Variants in TMEM43 observed in about 807,000 individuals in gnomAD.
TMEM43 encodes the protein transmembrane protein 43.
A neutral mutation model predicts 49.6 loss-of-function variants in TMEM43; 45 were observed. The ratio of observed to expected loss-of-function variants is 0.91; its 90% CI spans 0.71 to 1.16. The LOEUF is 1.16. Among genes scored for constraint, TMEM43 ranks in the 50% most tolerant of loss-of-function variants. The pLI is 0.00. For missense variants in TMEM43, 532 were observed against 516.6 expected (o/e 1.03, Z -0.29); for synonymous variants, 199 against 207.8 (o/e 0.96, Z 0.36).
chr3:14,139,219 A>AC lies in TMEM43; in HGVS notation c.924dup (p.Trp309LeufsTer115). 1 of 1,614,100 alleles carries AC rather than the reference A, an allele frequency of 6.2e-7. No homozygotes were observed. On this transcript the variant is annotated frameshift_variant, in exon 11 of 12. Coordinates refer to ENST00000306077, the MANE Select transcript of TMEM43 (RefSeq NM_024334.3). LOFTEE classifies it high-confidence loss of function. ...AGAACTAAGGAGCAACTCCATGAAG[A>AC]CCTGGGGCCTGCGGGCAGCTGGCTG...
rs187363244 is a variant in TMEM43, at chr3:14,139,709, C to A, written c.1000+412C>A. Among the ~76,000 whole-genome samples the A allele has an allele frequency of 8.9e-4, 135 of 152,354 alleles. 1 individual carries two copies. The highest frequency in any genetic ancestry group is 3.1e-3 in the African/African-American group (127 of 41,586). ...CATCTCAGCTTCAGTCACCTCACCC[C>A]TTACATGCAGAGTTTTATGAAATGT... On this transcript the variant is annotated intron_variant, in intron 11 of 11. Coordinates refer to ENST00000306077, the MANE Select transcript of TMEM43 (RefSeq NM_024334.3).
At chr3:14,134,966 C>G (rs1695148567) in intron 8 of TMEM43, 75 bp downstream of exon 8, 1 of 1,605,704 alleles carries the variant, frequency 6.2e-7, no homozygotes, top group African/African-American at 1.3e-5. Flanking sequence ...CAGGCAGATT[C>G]AGTTCAGTCG....
In TMEM43 at chr3:14,132,862, G is replaced by C; in HGVS notation, c.443-4G>C. On this transcript the variant is annotated splice_polypyrimidine_tract_variant and splice_region_variant and intron_variant, in intron 5 of 11. Coordinates refer to ENST00000306077, the MANE Select transcript of TMEM43 (RefSeq NM_024334.3). ...GCTCTGAGTTGATTCCTCTCCCTGA[G>C]CAGACACTGAATGGAGGTCAGAAAT... The C allele has an allele frequency of 6.2e-7, 1 of 1,614,026 alleles. No individual in the cohort carries two copies. The highest frequency in any genetic ancestry group is 8.5e-7 in the Non-Finnish European group (1 of 1,179,928).
At position 14,139,270 on chromosome 3, in the gene TMEM43, C is replaced by T. The variant is rs373644386; in HGVS notation, c.973C>T (p.Leu325Phe). The change falls in exon 11 of 12, where the codon CTT becomes TTT. Residue 325 changes from leucine (L) to phenylalanine (F), a missense_variant. Transcript: ENST00000306077. ...GWMAMFMGLN[L>F]MTRILYTLVD... ...GATGGCCATGTTCATGGGCCTCAAC[C>T]TTATGACACGGATCCTCTACACCTT... 1.9e-5 allele frequency: 30 copies of T among 1,614,012 alleles called. No individual in the cohort carries two copies. Among genetic ancestry groups the T allele is most frequent in the Non-Finnish European group, 2.5e-5 (30 of 1,179,976 alleles).
intron 11 of TMEM43, among the ~76,000 whole-genome samples, chr3:14,139,513 G>A (rs908179463): frequency 6.6e-5 from 10 of 152,110 alleles, no homozygotes; most frequent in East Asian, 1.9e-4. Flanking sequence ...AGGCTGGGTG[G>A]GGCCAACTCT....
chr3:14,136,498 G>A (rs999827821), intron 10 of TMEM43, among the ~76,000 whole-genome samples: 6 of 152,206 alleles, frequency 3.9e-5, no homozygotes, highest in African/African-American at 1.4e-4. Context: ...TGATACCAGT[G>A]GACGTCAGAG....
Position 14,132,950 on chromosome 3 carries a change from C to A in TMEM43, c.512+15C>A, listed in dbSNP as rs1695117648. 5 of 1,609,264 alleles carry A rather than the reference C, an allele frequency of 3.1e-6. No individual in the cohort carries two copies. The East Asian group carries it at 1.1e-4, about 36-fold the overall frequency. ...AAAAACCCCAGGTGAGAGCCAGGCC[C>A]AAGGCCTGAGTGCAGCTTTGTCTAC... On this transcript the variant is annotated intron_variant, in intron 6 of 11. Coordinates refer to ENST00000306077, the MANE Select transcript of TMEM43 (RefSeq NM_024334.3).
chr3:14,132,031 G>A (rs1048790283), intron 4 of TMEM43, among the ~76,000 whole-genome samples: 5 of 149,500 alleles, frequency 3.3e-5, no homozygotes, highest in African/African-American at 9.8e-5. Context: ...CCCATCAGCT[G>A]TGTTGGTCCC....
chr3:14,133,960 G>A lies in TMEM43; in HGVS notation c.583+151G>A, dbSNP rs187346587. Reference sequence around the variant, plus strand: ...CATGCTTTGGGGGCCAGGGGAAGGCGAATCCCCAGGAAGCAAGGGCTGACG... The same window carrying A: ...CATGCTTTGGGGGCCAGGGGAAGGCAAATCCCCAGGAAGCAAGGGCTGACG... On this transcript the variant is annotated intron_variant, in intron 7 of 11. Transcript: ENST00000306077. 2.5e-4 allele frequency: 193 copies of A among 773,614 alleles called. No homozygotes were observed. The Admixed American group carries it at 3.6e-3, about 15-fold the overall frequency. 47.9% of individuals were successfully genotyped at this position (773,614 alleles called of 1,614,324 possible).
At chr3:14,128,388 C>T (rs1015311351) in intron 1 of TMEM43, among the ~76,000 whole-genome samples, 2 of 152,186 alleles carry the variant, frequency 1.3e-5, no homozygotes, top group African/African-American at 4.8e-5. Context: ...AGCTGCTCCC[C>T]CAGAACCACT....
In TMEM43 at chr3:14,143,433, A is replaced by G. The variant is rs1422517657; in HGVS notation, c.*1638A>G. ...TTCACTAACTGCTTATTACATGAGC[A>G]ATTTCATCAAATCTCCAAACTCTTA... On this transcript the variant is annotated 3_prime_UTR_variant, in exon 12 of 12. Coordinates refer to ENST00000306077, the MANE Select transcript of TMEM43 (RefSeq NM_024334.3). The G allele has an allele frequency of 6.6e-6, 1 of 152,224 alleles. No individual in the cohort carries two copies. Among genetic ancestry groups the G allele is most frequent in the Non-Finnish European group, 1.5e-5 (1 of 68,034 alleles). The allele number at this position is 152,224 out of a possible 1,614,324, so 9.4% of individuals were successfully genotyped here.
In TMEM43 at chr3:14,130,930, A is replaced by G. The variant is rs144811578; in HGVS notation, c.271A>G (p.Ile91Val). 2.3e-4 allele frequency: 375 copies of G among 1,613,018 alleles called. 7 individuals carry two copies. In the East Asian group the frequency reaches 5.7e-3, roughly 25 times the overall value. ...APENEGRLVH[I>V]IGALRTSKLL... ...GGAGAATGAAGGAAGGCTGGTGCAC[A>G]TCATTGGCGCCTTACGGACATCCAA... is the stretch of plus-strand genomic sequence containing the variant. Residue 91 changes from isoleucine to valine, a missense_variant, in exon 3 of 12, where the codon ATC (isoleucine) becomes GTC (valine). Transcript: ENST00000306077.
In TMEM43 at chr3:14,133,794, T is replaced by A. The variant is rs768718054; in HGVS notation, c.568T>A (p.Phe190Ile). The part of the protein sequence containing the change: ...ATAPFVQIGR[F>I]FLSSGLIDKV... ...AGCCCCCTTTGTCCAAATTGGCAGG[T>A]TTTTCCTCTCGTCAGGTAAGTCTCA... Residue 190 changes from phenylalanine to isoleucine, a missense_variant, in exon 7 of 12, where the codon TTT (phenylalanine) becomes ATT (isoleucine). Phe to Ile is a conservative substitution (Grantham distance 21). Coordinates refer to ENST00000306077, the MANE Select transcript of TMEM43 (RefSeq NM_024334.3). 6.2e-7 allele frequency: 1 copy of A among 1,613,910 alleles called. No individual in the cohort carries two copies. The highest frequency in any genetic ancestry group is 8.5e-7 in the Non-Finnish European group (1 of 1,179,908).
Position 14,142,207 on chromosome 3 carries a change from T to C in TMEM43, c.*412T>C. On this transcript the variant is annotated 3_prime_UTR_variant, in exon 12 of 12. Coordinates refer to ENST00000306077, the MANE Select transcript of TMEM43 (RefSeq NM_024334.3). Reference sequence around the variant, plus strand: ...TCATCACTGCACACAAGTGCCATGCTTTGCCACCACCACCAAGCACATCTG... The same window carrying C: ...TCATCACTGCACACAAGTGCCATGCCTTGCCACCACCACCAAGCACATCTG... 4.1e-6 allele frequency: 1 copy of C among 241,390 alleles called. No homozygotes were observed. Among genetic ancestry groups the C allele is most frequent in the South Asian group, 5.4e-5 (1 of 18,438 alleles). The allele number at this position is 241,390 out of a possible 1,614,324, so 15.0% of individuals were successfully genotyped here. A position where few individuals can be genotyped will look rare whatever the true frequency, so the allele number is the denominator to read the frequency against.
chr3:14,128,950 G>A (rs1376753900), intron 1 of TMEM43: 1 of 456,500 alleles, frequency 2.2e-6, no homozygotes, highest in South Asian at 1.5e-5. Flanking sequence ...GCCATGAAAA[G>A]GAACAAATTC....
chr3:14,131,637 G>A lies in TMEM43; in HGVS notation c.355G>A (p.Val119Met), dbSNP rs757430674. 40 of 1,614,044 alleles carry A rather than the reference G, an allele frequency of 2.5e-5. No homozygotes were observed. Among genetic ancestry groups the A allele is most frequent in the Admixed American group, 8.3e-5 (5 of 60,008 alleles). ...TCCGGCTGTGAAACTGCGGAGGCAC[G>A]TGGAGATGTACCAATGGGTAGAAAC... ...HLPAVKLRRH[V>M]EMYQWVETEE... The change falls in exon 4 of 12, where the codon GTG (valine) becomes ATG (methionine). Residue 119 changes from valine (V) to methionine (M), a missense_variant. By Grantham distance (21) the Val-to-Met change is conservative. Transcript: ENST00000306077.
intron 11 of TMEM43, among the ~76,000 whole-genome samples, chr3:14,140,114 G>T (rs1057447658): frequency 2.0e-5 from 3 of 152,330 alleles, no homozygotes; most frequent in South Asian, 4.1e-4. Flanking sequence ...TGTCTGAGCT[G>T]GGGGGACCAC....
At position 14,139,285 on chromosome 3, in the gene TMEM43, C is replaced by T; in HGVS notation, c.988C>T (p.Leu330Phe). ...FMGLNLMTRI[L>F]YTLVDWFPVF... Reference sequence around the variant, plus strand: ...GGGCCTCAACCTTATGACACGGATCCTCTACACCTTGGGTAGGTGTTGGGG... The same window carrying T: ...GGGCCTCAACCTTATGACACGGATCTTCTACACCTTGGGTAGGTGTTGGGG... The change falls in exon 11 of 12, where the codon CTC becomes TTC. Residue 330 changes from leucine (L) to phenylalanine (F), a missense_variant. Physicochemically the swap from Leu to Phe is conservative, Grantham distance 22. Coordinates refer to ENST00000306077, the MANE Select transcript of TMEM43 (RefSeq NM_024334.3). 6.2e-7 allele frequency: 1 copy of T among 1,613,716 alleles called. No homozygotes were observed. Among genetic ancestry groups the T allele is most frequent in the Non-Finnish European group, 8.5e-7 (1 of 1,179,626 alleles).
chr3:14,130,927 C>G lies in TMEM43; in HGVS notation c.268C>G (p.His90Asp), dbSNP rs1437438778. ...TCCGGAGAATGAAGGAAGGCTGGTG[C>G]ACATCATTGGCGCCTTACGGACATC... ...VAPENEGRLV[H>D]IIGALRTSKL... Residue 90 changes from histidine (H) to aspartate (D), a missense_variant, in exon 3 of 12, where the codon CAC becomes GAC. Physicochemically the swap from His to Asp is moderately conservative, Grantham distance 81. Transcript: ENST00000306077. 5 of 1,613,044 alleles carry G rather than the reference C, an allele frequency of 3.1e-6. No individual in the cohort carries two copies.
Sources: gnomAD v4.1 joint callset for allele counts (sites outside exome capture counted in the v4.1 genomes callset) on GRCh38, gnomAD v4.1.1 for gene constraint, MANE v1.5 for transcripts, NCBI Gene and HGNC (gene_info 2026-07-23, HGNC 2026-07-21) for gene names.